HEATR4: variants seen among roughly 807,000 people sequenced by gnomAD.
HEATR4 encodes the protein HEAT repeat-containing protein 4.
A neutral mutation model predicts 108.8 loss-of-function variants in HEATR4; 95 were observed. The ratio of observed to expected loss-of-function variants is 0.87; its 90% CI spans 0.74 to 1.04. The LOEUF (loss-of-function observed/expected upper bound fraction) is 1.04. HEATR4 is among the 50% of genes least tolerant of loss of function. The pLI is 0.00. For synonymous variants in HEATR4, 443 were observed against 459.4 expected (o/e 0.96, Z 0.46); for missense variants, 1,152 against 1,253.8 (o/e 0.92, Z 1.23).
chr14:73,598,369 G>A, the HEATR4 span, among the ~76,000 whole-genome samples: 23 of 145,948 alleles, frequency 1.6e-4, no homozygotes, highest in African/African-American at 5.6e-4. Context: ...CAGCCTGGGC[G>A]ACAGAGCAAG....
chr14:73,491,358 C>T (rs1183856691), intron 17 of HEATR4: 31 of 1,360,062 alleles, frequency 2.3e-5, no homozygotes, highest in Non-Finnish European at 2.9e-5. Flanking sequence ...GCCGCGCGCT[C>T]CCTGCAGACC....
In HEATR4 at chr14:73,522,840, T is replaced by C. The variant is rs1888060071; in HGVS notation, c.313A>G (p.Thr105Ala). 6.2e-7 allele frequency: 1 copy of C among 1,613,630 alleles called. No individual in the cohort carries two copies. The highest frequency in any genetic ancestry group is 1.3e-5 in the African/African-American group (1 of 74,742). ...GGCCGGGCCTTCCTGATCTGGGGAG[T>C]ATGGATGATGTCATTGGTATTGTAG... ...HLYNTNDIIH[T>A]PQIRKARPQK... is the part of the protein sequence containing the mutation. Residue 105 changes from threonine (T) to alanine (A), a missense_variant, in exon 3 of 18, where the codon ACT becomes GCT. Transcript: ENST00000553558.
At chr14:73,610,229 T>C in the HEATR4 span, among the ~76,000 whole-genome samples, 1 of 151,698 alleles carries the variant, frequency 6.6e-6, no homozygotes, top group Non-Finnish European at 1.5e-5. Context: ...CTGGGCCTAA[T>C]GCAATATATT....
the HEATR4 span, among the ~76,000 whole-genome samples, chr14:73,605,177 A>G: frequency 2.0e-5 from 3 of 152,192 alleles, no homozygotes; most frequent in Non-Finnish European, 2.9e-5. Context: ...ATATATCTAT[A>G]GTTTGGATAT....
At chr14:73,594,575 CCCT>C in the HEATR4 span, among the ~76,000 whole-genome samples, 1 of 152,160 alleles carries the variant, frequency 6.6e-6, no homozygotes, top group Admixed American at 6.5e-5. Flanking sequence ...GAAGAAACTC[CCCT>C]GTCAGCTGAG....
At chr14:73,491,116 C>T in intron 17 of HEATR4, 2 of 1,607,068 alleles carry the variant, frequency 1.2e-6, no homozygotes, top group South Asian at 1.1e-5. Context: ...TGGCCCTGCC[C>T]TTGAGGTCCA....
chr14:73,588,829 G>A, the HEATR4 span, among the ~76,000 whole-genome samples: 3 of 151,974 alleles, frequency 2.0e-5, no homozygotes, highest in African/African-American at 4.8e-5. Context: ...AAAAAATTAA[G>A]GAACAGGGAC....
the HEATR4 span, among the ~76,000 whole-genome samples, chr14:73,614,746 CAA>C: frequency 5.2e-3 from 585 of 113,004 alleles, 3 homozygotes; most frequent in African/African-American, 0.011. Flanking sequence ...GACCCTGTCT[CAA>C]AAAAAAAAAA....
chr14:73,529,871 C>T (rs1180285537), intron 2 of HEATR4, among the ~76,000 whole-genome samples: 2 of 149,700 alleles, frequency 1.3e-5, no homozygotes, highest in Admixed American at 6.8e-5. Flanking sequence ...ATACTCTCAT[C>T]TCTACCAACA....
chr14:73,623,153 C>T, the HEATR4 span, among the ~76,000 whole-genome samples: 4 of 151,826 alleles, frequency 2.6e-5, no homozygotes, highest in South Asian at 2.1e-4. Flanking sequence ...TCAGGTGATC[C>T]GCCCACCTCA....
the HEATR4 span, chr14:73,573,563 C>T: frequency 1.9e-5 from 30 of 1,613,570 alleles, 1 homozygote; most frequent in East Asian, 1.3e-4. Flanking sequence ...TTGAAGAAGC[C>T]ATGAACTACT....
the HEATR4 span, among the ~76,000 whole-genome samples, chr14:73,588,780 ACTTTT>A: frequency 1.3e-5 from 2 of 152,022 alleles, no homozygotes; most frequent in South Asian, 2.1e-4. Flanking sequence ...CAATACATTT[ACTTTT>A]CTTTTTTGTG....
chr14:73,524,310 A>AAAAAATATATAT, intron 2 of HEATR4, among the ~76,000 whole-genome samples: 16 of 54,780 alleles, frequency 2.9e-4, no homozygotes, highest in African/African-American at 1.1e-3. Context: ...AAAAAAAAAA[A>AAAAAATATATAT]ATATATATAT....
At chr14:73,601,432 C>T in the HEATR4 span, among the ~76,000 whole-genome samples, 19 of 152,152 alleles carry the variant, frequency 1.2e-4, no homozygotes, top group South Asian at 2.9e-3. Context: ...GGCATGGTGG[C>T]GCACGCCTGT....
intron 11 of HEATR4, among the ~76,000 whole-genome samples, chr14:73,501,223 A>G (rs1431469827): frequency 1.3e-5 from 2 of 151,730 alleles, no homozygotes; most frequent in Non-Finnish European, 2.9e-5. Context: ...GGTTCACGCC[A>G]TTCTCCTGCC....
chr14:73,492,854 T>G lies in HEATR4; in HGVS notation c.2844+212A>C. Reference sequence around the variant, plus strand: ...GTTTGTGAGAGTGGGGGACCTGCCCTGTGACAGTGTGGAGGACCAGCTGTC... The same window carrying G: ...GTTTGTGAGAGTGGGGGACCTGCCCGGTGACAGTGTGGAGGACCAGCTGTC... On this transcript the variant is annotated intron_variant, in intron 17 of 17. Coordinates refer to ENST00000553558, the MANE Select transcript of HEATR4 (RefSeq NM_001220484.1). The surrounding 1 kb of genome is among the most constrained non-coding windows in gnomAD (Gnocchi z 4.9). 6.2e-7 allele frequency: 1 copy of G among 1,613,952 alleles called. No homozygotes were observed. The highest frequency in any genetic ancestry group is 8.5e-7 in the Non-Finnish European group (1 of 1,179,866).
the HEATR4 span, among the ~76,000 whole-genome samples, chr14:73,564,071 C>T: frequency 0.012 from 1,824 of 151,652 alleles, 37 homozygotes; most frequent in African/African-American, 0.042. Flanking sequence ...GAGGCTGAGG[C>T]GGGCAGATTA....
At position 73,544,151 on chromosome 14, in the gene HEATR4, G is replaced by A. The variant is rs557918515; in HGVS notation, c.-151-13907C>T. Among the ~76,000 whole-genome samples, 268 of 113,804 alleles carry A rather than the reference G, an allele frequency of 2.4e-3. 33 individuals carry two copies. The highest frequency in any genetic ancestry group is 9.3e-3 in the Middle Eastern group (2 of 214). The allele number at this position is 113,804 out of a possible 152,430, so 74.7% of individuals were successfully genotyped here. On this transcript the variant is annotated intron_variant, in intron 1 of 17. Transcript: ENST00000553558. Reference sequence around the variant, plus strand: ...CTACTAAAAATACAAAAAATTAGCCGGGCGTGGTGGCGCATGCCTGTAGTC... The same window carrying A: ...CTACTAAAAATACAAAAAATTAGCCAGGCGTGGTGGCGCATGCCTGTAGTC...
the HEATR4 span, chr14:73,592,075 G>T: frequency 6.7e-7 from 1 of 1,484,638 alleles, no homozygotes; most frequent in East Asian, 2.8e-5. Context: ...GCGTCCCTGC[G>T]CGACGAGAAG....
Sources: allele counts gnomAD v4.1 joint callset (sites outside exome capture counted in the v4.1 genomes callset), GRCh38; gene constraint gnomAD v4.1.1; non-coding constraint Gnocchi (gnomAD v3.1); transcripts MANE v1.5; gene names NCBI Gene and HGNC (gene_info 2026-07-23, HGNC 2026-07-21).